The following LLGL1 variants were observed in gnomAD, a reference collection of about 807,000 sequenced individuals.
LLGL1 encodes the protein LLGL scribble cell polarity complex component 1, also known as lethal(2) giant larvae protein homolog 1.
LLGL1 carries 58 observed loss-of-function variants against 110.6 expected under a neutral mutation model. The observed-to-expected ratio is 0.52, with a 90% CI of 0.42 to 0.65. The LOEUF is 0.65. Ranked by LOEUF, LLGL1 falls within the 30% of genes least tolerant of loss-of-function variation. The pLI is 0.00. For missense variants in LLGL1, 1,229 were observed against 1,462.1 expected, an observed-to-expected ratio of 0.84 and a Z score of 2.60; for synonymous variants, 674 against 607.2, an observed-to-expected ratio of 1.11 and a Z score of -1.62.
At chr17:18,238,283 C>T (rs2142669732) in intron 15 of LLGL1, 69 bp downstream of exon 15, 1 of 1,597,082 alleles carries the variant, frequency 6.3e-7, no homozygotes, top group Non-Finnish European at 8.5e-7. Context: ...TGGCCTGGGA[C>T]CCCTGGGGCC....
In LLGL1 at chr17:18,235,160, G is replaced by C. The variant is rs2047663446; in HGVS notation, c.1132G>C (p.Gly378Arg). The C allele has an allele frequency of 2.5e-6, 4 of 1,613,272 alleles. No homozygotes were observed. Among genetic ancestry groups the C allele is most frequent in the Non-Finnish European group, 3.4e-6 (4 of 1,180,042 alleles). Residue 378 changes from glycine to arginine, a missense_variant, in exon 10 of 23, where the codon GGC (glycine) becomes CGC (arginine). Physicochemically the swap from Gly to Arg is moderately radical, Grantham distance 125. Coordinates refer to ENST00000316843, the MANE Select transcript of LLGL1 (RefSeq NM_004140.4). ...GGTGGTGCTGGACCTGCAGACTCCT[G>C]GCTGGCCAGCTGTGCCTGCCCCATA... ...ELVVLDLQTP[G>R]WPAVPAPYLA...
intron 16 of LLGL1, among the ~76,000 whole-genome samples, chr17:18,239,617 A>G (rs1439225883): frequency 6.6e-6 from 1 of 152,046 alleles, no homozygotes; most frequent in African/African-American, 2.4e-5. Context: ...TGTAGAACCA[A>G]TGTGAATTCC....
Position 18,232,792 on chromosome 17 carries a change from G to A in LLGL1, c.382G>A (p.Asp128Asn), listed in dbSNP as rs924730992. The A allele has an allele frequency of 5.6e-6, 9 of 1,613,832 alleles. No homozygotes were observed. Among genetic ancestry groups the A allele is most frequent in the African/African-American group, 2.7e-5 (2 of 74,940 alleles). The change falls in exon 4 of 23, where the codon GAT becomes AAT. Residue 128 changes from aspartate to asparagine, a missense_variant. Physicochemically the swap from Asp to Asn is conservative, Grantham distance 23 (BLOSUM62 1). Transcript: ENST00000316843. Reference sequence around the variant, plus strand: ...CCAGCTGCCCAGCCGGCCCGGCTTTGATGGTGCCAGGTACTGGAGAACTTG... The same window carrying A: ...CCAGCTGCCCAGCCGGCCCGGCTTTAATGGTGCCAGGTACTGGAGAACTTG... ...SFQLPSRPGF[D>N]GASAPLSLTR...
intron 7 of LLGL1, 89 bp downstream of exon 7, chr17:18,234,497 G>C (rs545876474): frequency 1.3e-6 from 2 of 1,582,410 alleles, no homozygotes; most frequent in East Asian, 4.5e-5. Flanking sequence ...GGACTTCCCC[G>C]AGGGGGTGGT....
chr17:18,235,964 T>G, intron 11 of LLGL1: 1 of 213,122 alleles, frequency 4.7e-6, no homozygotes, highest in Non-Finnish European at 9.5e-6. Context: ...TGGTGTGCCC[T>G]TCCCTGCTGA....
Position 18,237,212 on chromosome 17 carries a change from T to C in LLGL1, c.1612-269T>C, listed in dbSNP as rs889873094. The C allele has an allele frequency of 1.8e-5, 11 of 594,596 alleles. No individual in the cohort carries two copies. In the Admixed American group the frequency reaches 2.4e-4, roughly 13 times the overall value. 36.8% of individuals were successfully genotyped at this position (594,596 alleles called of 1,614,324 possible). ...TGCTCAATGTGTCCTTATTGCTAAA[T>C]GGGAGATAGAGGCTCAGGGTAAGGG... is the stretch of plus-strand genomic sequence containing the variant. On this transcript the variant is annotated intron_variant, in intron 13 of 22. Coordinates refer to ENST00000316843, the MANE Select transcript of LLGL1 (RefSeq NM_004140.4).
chr17:18,242,411 C>T (rs2047860499), intron 20 of LLGL1, 97 bp from the exon 21 acceptor site: 8 of 1,570,800 alleles, frequency 5.1e-6, no homozygotes, highest in Middle Eastern at 1.7e-4. Flanking sequence ...TGGTGCCACC[C>T]CTCACCATGG....
intron 11 of LLGL1, 142 bp from the exon 12 acceptor site, chr17:18,236,465 A>G (rs1023566970): frequency 2.8e-5 from 22 of 788,388 alleles, no homozygotes; most frequent in Non-Finnish European, 4.1e-5. Context: ...GTAGGTGCCT[A>G]TTGTTTTTTG....
intron 1 of LLGL1, 63 bp from the exon 2 acceptor site, chr17:18,229,866 GGGGTGGGCCTCA>G (rs1239080961): frequency 6.6e-5 from 66 of 998,266 alleles, no homozygotes; most frequent in Non-Finnish European, 8.8e-5. Context: ...AGGCTGCCTT[GGGGTGGGCCTCA>G]GGGTGGGCCA....
chr17:18,228,053 T>G (rs913417670), intron 1 of LLGL1, among the ~76,000 whole-genome samples: 1 of 152,156 alleles, frequency 6.6e-6, no homozygotes, highest in Non-Finnish European at 1.5e-5. Context: ...CCACTGTGTG[T>G]GAGGTCTCCA....
At chr17:18,225,872 T>G in intron 1 of LLGL1, 109 bp downstream of exon 1, 2 of 310,222 alleles carry the variant, frequency 6.4e-6, no homozygotes, top group Non-Finnish European at 9.2e-6. Context: ...GGGGCTGGCA[T>G]GCAGCGCGGC....
intron 11 of LLGL1, chr17:18,236,061 T>A: frequency 5.5e-6 from 1 of 180,510 alleles, no homozygotes; most frequent in Non-Finnish European, 1.2e-5. Flanking sequence ...CTCTGGGCTT[T>A]CACCACCGCC....
chr17:18,241,542 T>A lies in LLGL1; in HGVS notation c.2594T>A (p.Phe865Tyr). 1 of 1,613,794 alleles carries A rather than the reference T, an allele frequency of 6.2e-7. No individual in the cohort carries two copies. The highest frequency in any genetic ancestry group is 8.5e-7 in the Non-Finnish European group (1 of 1,180,014). ...GTGCGCAAGGTGGCACTGGCCACGT[T>A]TGCCAGTGTGGCCTGCGAGGACTAT... The part of the protein sequence containing the change: ...CRVRKVALAT[F>Y]ASVACEDYAE... The change falls in exon 18 of 23, where the codon TTT becomes TAT. Residue 865 changes from phenylalanine to tyrosine, a missense_variant. Phe to Tyr is a conservative substitution (Grantham distance 22). Transcript: ENST00000316843.
Position 18,240,548 on chromosome 17 carries a change from A to AGCACCCTCCTAC in LLGL1, c.2207-27_2207-16dup. 1 of 1,553,648 alleles carries AGCACCCTCCTAC rather than the reference A, an allele frequency of 6.4e-7. No homozygotes were observed. Among genetic ancestry groups the AGCACCCTCCTAC allele is most frequent in the South Asian group, 1.2e-5 (1 of 82,452 alleles). Reference sequence around the variant, plus strand: ...CAGGGGAGATGCCTGGCCCACAGGGAGCACCCTCCTACGCGCTTGTTTTCT... The same window carrying AGCACCCTCCTAC: ...CAGGGGAGATGCCTGGCCCACAGGGAGCACCCTCCTACGCACCCTCCTACGCGCTTGTTTTCT... On this transcript the variant is annotated intron_variant, in intron 16 of 22. Coordinates refer to ENST00000316843, the MANE Select transcript of LLGL1 (RefSeq NM_004140.4). This position sits in a 1 kb window ranked among gnomAD's most constrained non-coding sequence, Gnocchi z 5.3.
intron 2 of LLGL1, among the ~76,000 whole-genome samples, chr17:18,231,536 C>G (rs2047569135): frequency 6.6e-6 from 1 of 152,234 alleles, no homozygotes; most frequent in Admixed American, 6.5e-5. Flanking sequence ...CTGGGCACTT[C>G]AAGCAGGTCA....
chr17:18,236,224 C>G (rs2047691568), intron 11 of LLGL1: 1 of 203,492 alleles, frequency 4.9e-6, no homozygotes, highest in Admixed American at 5.3e-5. Context: ...CAGCTCCTCC[C>G]CCGGGATGCC....
rs148650631 is a variant in LLGL1 at position 18,241,629 on chromosome 17, G to C, written c.2681G>C (p.Gly894Ala). 8 of 1,613,526 alleles carry C rather than the reference G, an allele frequency of 5.0e-6. No homozygotes were observed. The African/African-American group carries it at 9.3e-5, about 19-fold the overall frequency. ...GACGTCCACGTCTTCTCGGTGCCTG[G>C]CCTGCGGCCCCAGGTGCACTATTCC... The part of the protein sequence containing the change: ...LGDVHVFSVP[G>A]LRPQVHYSCI... Residue 894 changes from glycine to alanine, a missense_variant, in exon 18 of 23, where the codon GGC (glycine) becomes GCC (alanine). Physicochemically the swap from Gly to Ala is moderately conservative, Grantham distance 60. Coordinates refer to ENST00000316843, the MANE Select transcript of LLGL1 (RefSeq NM_004140.4).
rs140298639 is a variant in LLGL1, at chr17:18,238,469, A to G, written c.2066A>G (p.Asn689Ser). The G allele has an allele frequency of 2.2e-3, 3,613 of 1,610,736 alleles. 8 individuals are homozygous for G. Among genetic ancestry groups the G allele is most frequent in the Non-Finnish European group, 2.8e-3 (3,338 of 1,178,806 alleles). The change falls in exon 16 of 23, where the codon AAT (asparagine) becomes AGT (serine). Residue 689 changes from asparagine to serine, a missense_variant. Transcript: ENST00000316843. ...CCCGCCCGGCAGTTGCAGGAAGCCA[A>G]TGCACAGCTGGCTGAGCAGGCCTGC... ...ANASSKLQEA[N>S]AQLAEQACPH...
chr17:18,229,883 G>T, intron 1 of LLGL1, 58 bp from the exon 2 acceptor site: 1 of 1,256,114 alleles, frequency 8.0e-7, no homozygotes, highest in Non-Finnish European at 1.1e-6. Context: ...GCCTCAGGGT[G>T]GGCCATGGCA....
Sources: allele counts gnomAD v4.1 joint callset (sites outside exome capture counted in the v4.1 genomes callset), GRCh38; gene constraint gnomAD v4.1.1; non-coding constraint Gnocchi (gnomAD v3.1); transcripts MANE v1.5; gene names NCBI Gene and HGNC (gene_info 2026-07-23, HGNC 2026-07-21).